The following DPP10 variants were observed in gnomAD, a reference collection of about 807,000 sequenced individuals.
DPP10 encodes inactive dipeptidyl peptidase 10.
In DPP10, 33 loss-of-function variants were observed where a neutral mutation model predicts 120.9. That is an observed-to-expected ratio of 0.27 (90% CI 0.21 to 0.37). DPP10 has a LOEUF of 0.37. DPP10 is among the 10% of genes least tolerant of loss of function. The pLI is 1.00. For synonymous variants in DPP10, 337 were observed against 326.1 expected (o/e 1.03, Z -0.36); for missense variants, 816 against 942.8 (o/e 0.87, Z 1.76).
intron 5 of DPP10, among the ~76,000 whole-genome samples, chr2:115,604,094 T>G (rs201588092): frequency 0.62 from 91,847 of 148,396 alleles, 29,216 homozygotes; most frequent in Middle Eastern, 0.74. Flanking sequence ...TTTTTTTTTT[T>G]TTTTTTTTTT....
At chr2:114,518,495 C>T (rs753306066) in intron 1 of DPP10, among the ~76,000 whole-genome samples, 6 of 152,156 alleles carry the variant, frequency 3.9e-5, no homozygotes, top group Non-Finnish European at 8.8e-5. Context: ...GTGATTAAGA[C>T]TGTGAAGACA....
At chr2:115,535,374 T>C (rs201773113) in intron 5 of DPP10, among the ~76,000 whole-genome samples, 1 of 151,988 alleles carries the variant, frequency 6.6e-6, no homozygotes, top group African/African-American at 2.4e-5. Context: ...TAGGGAATCC[T>C]TTCCCCATTG....
chr2:114,944,991 G>T (rs574580322), intron 1 of DPP10, among the ~76,000 whole-genome samples: 1 of 152,132 alleles, frequency 6.6e-6, no homozygotes, highest in African/African-American at 2.4e-5. Context: ...ATGGAGAAAA[G>T]GTTAGTCTCT....
At chr2:115,337,428 T>G (rs2063205566) in intron 2 of DPP10, among the ~76,000 whole-genome samples, 1 of 152,160 alleles carries the variant, frequency 6.6e-6, no homozygotes, top group Non-Finnish European at 1.5e-5. Context: ...AACTTATTTT[T>G]GGGAGATAGT....
chr2:115,779,430 A>G (rs930145695), intron 15 of DPP10, among the ~76,000 whole-genome samples: 1 of 152,064 alleles, frequency 6.6e-6, no homozygotes, highest in African/African-American at 2.4e-5. Context: ...TTGACTTAAT[A>G]TATGGCACTA....
intron 1 of DPP10, among the ~76,000 whole-genome samples, chr2:114,494,860 G>T (rs960525718): frequency 6.6e-6 from 1 of 152,114 alleles, no homozygotes; most frequent in African/African-American, 2.4e-5. Context: ...AATGGGCCAG[G>T]GTTTAAGCCA....
chr2:114,732,098 C>T (rs892686287), intron 1 of DPP10, among the ~76,000 whole-genome samples: 1 of 152,168 alleles, frequency 6.6e-6, no homozygotes, highest in African/African-American at 2.4e-5. Flanking sequence ...TCTGGTGTGA[C>T]AGTTAATGCT....
chr2:115,837,612 T>C (rs1291108358), intron 24 of DPP10, among the ~76,000 whole-genome samples: 1 of 152,168 alleles, frequency 6.6e-6, no homozygotes, highest in Non-Finnish European at 1.5e-5. Flanking sequence ...AGAGGAACTT[T>C]ACAGTGGAGA....
intron 1 of DPP10, among the ~76,000 whole-genome samples, chr2:115,228,726 G>T (rs2057576425): frequency 6.6e-6 from 1 of 152,042 alleles, no homozygotes; most frequent in Non-Finnish European, 1.5e-5. Flanking sequence ...TTATATGGCT[G>T]GATAGTATTC....
intron 1 of DPP10, among the ~76,000 whole-genome samples, chr2:114,709,042 C>T (rs1700859121): frequency 6.6e-6 from 1 of 152,230 alleles, no homozygotes; most frequent in Non-Finnish European, 1.5e-5. Flanking sequence ...AGGCTTGAGC[C>T]ACAGCGCCCA....
rs78091277 is a variant in DPP10 at position 115,275,169 on chromosome 2, C to G, written c.61-34070C>G. Among the ~76,000 whole-genome samples the G allele has an allele frequency of 6.8e-3, 1,042 of 152,294 alleles. 29 individuals carry two copies. The highest frequency in any genetic ancestry group is 0.063 in the East Asian group (326 of 5,184). Reference sequence around the variant, plus strand: ...CAGGGCATTTCACAAAATGGACATTCAAAAACTACAGGTTGACCTGTACTG... The same window carrying G: ...CAGGGCATTTCACAAAATGGACATTGAAAAACTACAGGTTGACCTGTACTG... On this transcript the variant is annotated intron_variant, in intron 1 of 25. Transcript: ENST00000410059.
At chr2:115,016,286 A>G (rs1251690611) in intron 1 of DPP10, among the ~76,000 whole-genome samples, 15 of 152,202 alleles carry the variant, frequency 9.9e-5, no homozygotes, top group Admixed American at 7.9e-4. Flanking sequence ...TGGTTTTTGG[A>G]AAACTGGCTA....
chr2:115,776,001 G>T (rs981698887), intron 13 of DPP10, among the ~76,000 whole-genome samples: 2 of 152,132 alleles, frequency 1.3e-5, no homozygotes, highest in African/African-American at 4.8e-5. Context: ...TCTTTAAGGT[G>T]ATGAAGGCAC....
chr2:115,289,530 C>T (rs948156038), intron 1 of DPP10, among the ~76,000 whole-genome samples: 1 of 52,730 alleles, frequency 1.9e-5, no homozygotes, highest in Non-Finnish European at 4.2e-5. Flanking sequence ...AAAAAAGAGC[C>T]TAAATAGCCA....
intron 1 of DPP10, among the ~76,000 whole-genome samples, chr2:115,275,897 TTC>T (rs2059901187): frequency 6.6e-6 from 1 of 151,908 alleles, no homozygotes; most frequent in Admixed American, 6.5e-5. Context: ...GAGACGGGGT[TTC>T]ACCGTGTTAG....
chr2:115,738,482 G>T lies in DPP10; in HGVS notation c.698-1257G>T, dbSNP rs528384603. Among the ~76,000 whole-genome samples the T allele has an allele frequency of 2.0e-5, 3 of 152,174 alleles. No homozygotes were observed. The South Asian group carries it at 6.2e-4, about 32-fold the overall frequency. The stretch of plus-strand genomic sequence containing the variant: ...ACTAGAGATGCTGTGTGGAGCCTTT[G>T]CCACTCTCCATATGACAATCATAGG... On this transcript the variant is annotated intron_variant, in intron 8 of 25. Transcript: ENST00000410059.
At chr2:115,683,971 T>C (rs185253639) in intron 5 of DPP10, among the ~76,000 whole-genome samples, 4 of 152,028 alleles carry the variant, frequency 2.6e-5, no homozygotes, top group Admixed American at 2.0e-4. Context: ...TGTACTACTG[T>C]CAGTAATTGA....
intron 3 of DPP10, among the ~76,000 whole-genome samples, chr2:115,462,287 T>C (rs1311127259): frequency 6.6e-6 from 1 of 151,498 alleles, no homozygotes; most frequent in African/African-American, 2.4e-5. Context: ...CCTGGATCCA[T>C]TCCCCTGGAG....
chr2:115,602,284 C>A (rs1000517597), intron 5 of DPP10, among the ~76,000 whole-genome samples: 2 of 152,114 alleles, frequency 1.3e-5, no homozygotes, highest in African/African-American at 4.8e-5. Flanking sequence ...TATCTTTATA[C>A]AATGACAGAG....
Sources: gnomAD v4.1 joint callset for allele counts (sites outside exome capture counted in the v4.1 genomes callset) on GRCh38, gnomAD v4.1.1 for gene constraint, MANE v1.5 for transcripts, NCBI Gene and HGNC (gene_info 2026-07-23, HGNC 2026-07-21) for gene names.